Variants in THRB observed in about 807,000 individuals in gnomAD.
THRB encodes nuclear receptor subfamily 1 group A member 2.
Under a neutral mutation model 47.8 loss-of-function variants are expected in THRB, and 12 were observed. The observed-to-expected ratio is 0.25, with a 90% confidence interval of 0.16 to 0.41. THRB has a LOEUF of 0.41. Ranked by LOEUF, THRB falls within the 10% of genes least tolerant of loss-of-function variation. The pLI is 1.00. For synonymous variants in THRB, 218 were observed against 212.2 expected (o/e 1.03, Z -0.24); for missense variants, 348 against 589.2 (o/e 0.59, Z 4.24).
At chr3:24,334,386 TA>T (rs954112981) in intron 2 of THRB, among the ~76,000 whole-genome samples, 23 of 152,190 alleles carry the variant, frequency 1.5e-4, no homozygotes, top group East Asian at 1.3e-3. Flanking sequence ...AGCAAAGGAT[TA>T]AAAAAAATTA....
At position 24,171,252 on chromosome 3, in the gene THRB, C is replaced by G. The variant is rs2040395188; in HGVS notation, c.284-18762G>C. On this transcript the variant is annotated intron_variant, in intron 5 of 10. Transcript: ENST00000646209. ...AAGAGGTGCACAAAAACTTTTTGAC[C>G]ATGCTTTCTTGGATTGTTGAGGTCT... Among the ~76,000 whole-genome samples the G allele has an allele frequency of 2.0e-5, 3 of 152,180 alleles. No individual in the cohort carries two copies. In the South Asian group the frequency reaches 6.2e-4, roughly 31 times the overall value.
At chr3:24,475,047 A>G (rs1421976111) in intron 1 of THRB, among the ~76,000 whole-genome samples, 1 of 152,224 alleles carries the variant, frequency 6.6e-6, no homozygotes, top group Non-Finnish European at 1.5e-5. Flanking sequence ...TTCTAAAAAC[A>G]AAATGTTCTA....
chr3:24,284,760 A>AAGTGGGCAGAGGACATGAAC (rs1229087458), intron 3 of THRB, among the ~76,000 whole-genome samples: 1 of 149,972 alleles, frequency 6.7e-6, no homozygotes. Context: ...CCCCATCAAA[A>AAGTGGGCAGAGGACATGAAC]AGTGGGCAGA....
At chr3:24,238,294 G>A (rs1396010227) in intron 3 of THRB, among the ~76,000 whole-genome samples, 2 of 43,156 alleles carry the variant, frequency 4.6e-5, no homozygotes, top group African/African-American at 1.7e-4. Context: ...GGGGGGGGGT[G>A]TGTGGGGTGT....
chr3:24,160,019 G>A (rs993751582), intron 5 of THRB, among the ~76,000 whole-genome samples: 1 of 152,206 alleles, frequency 6.6e-6, no homozygotes, highest in East Asian at 1.9e-4. Context: ...GGGAGCGGGG[G>A]TGATGAGAGA....
intron 1 of THRB, among the ~76,000 whole-genome samples, chr3:24,396,931 AC>A (rs1392940497): frequency 6.6e-6 from 1 of 152,090 alleles, no homozygotes; most frequent in Non-Finnish European, 1.5e-5. Flanking sequence ...TGAATGACCA[AC>A]TGCATTCTTT....
chr3:24,333,270 T>G (rs1235547992), intron 2 of THRB, among the ~76,000 whole-genome samples: 1 of 152,140 alleles, frequency 6.6e-6, no homozygotes, highest in African/African-American at 2.4e-5. Context: ...CCCATTCTCA[T>G]GAATAACTGG....
chr3:24,249,141 A>G (rs1273635851), intron 3 of THRB, among the ~76,000 whole-genome samples: 1 of 152,218 alleles, frequency 6.6e-6, no homozygotes, highest in Non-Finnish European at 1.5e-5. Context: ...AAGAGCCAGC[A>G]TGTGTGAGAA....
chr3:24,280,647 G>C (rs1005289800), intron 3 of THRB, among the ~76,000 whole-genome samples: 11 of 152,096 alleles, frequency 7.2e-5, no homozygotes, highest in Non-Finnish European at 1.6e-4. Flanking sequence ...CCAAGCTATG[G>C]GAGGACATTC....
chr3:24,266,714 C>G lies in THRB; in HGVS notation c.-43+30512G>C, dbSNP rs1285837886. Among the ~76,000 whole-genome samples, 5 of 151,998 alleles carry G rather than the reference C, an allele frequency of 3.3e-5. No homozygotes were observed. In the South Asian group the frequency reaches 8.3e-4, roughly 25 times the overall value. On this transcript the variant is annotated intron_variant, in intron 3 of 10. Coordinates refer to ENST00000646209, the MANE Select transcript of THRB (RefSeq NM_001354712.2). The stretch of plus-strand genomic sequence containing the variant: ...ATGTTGGAAGCTAATACCCAGTCCA[C>G]AAAATGTACTCAGTGAGGAAGATGA...
chr3:24,384,334 A>G (rs1186800784), intron 1 of THRB, among the ~76,000 whole-genome samples: 1 of 152,172 alleles, frequency 6.6e-6, no homozygotes, highest in East Asian at 1.9e-4. Flanking sequence ...TTATCTAACC[A>G]TTTATCAAAT....
At chr3:24,432,147 C>A (rs1242826386) in intron 1 of THRB, among the ~76,000 whole-genome samples, 4 of 152,036 alleles carry the variant, frequency 2.6e-5, no homozygotes, top group African/African-American at 9.7e-5. Flanking sequence ...TACCAAGCTT[C>A]ATAGCCTACA....
intron 1 of THRB, among the ~76,000 whole-genome samples, chr3:24,398,023 T>C (rs2067105748): frequency 6.6e-6 from 1 of 152,136 alleles, no homozygotes; most frequent in East Asian, 1.9e-4. Context: ...AAAACAATAA[T>C]TCAAAGCCAA....
intron 2 of THRB, among the ~76,000 whole-genome samples, chr3:24,323,668 G>A (rs2058633942): frequency 6.6e-6 from 1 of 152,126 alleles, no homozygotes; most frequent in Non-Finnish European, 1.5e-5. Context: ...AACACCAATA[G>A]TTGGCATAAG....
intron 4 of THRB, among the ~76,000 whole-genome samples, chr3:24,226,998 C>G (rs1218938946): frequency 6.6e-6 from 1 of 152,192 alleles, no homozygotes. Context: ...TGAATGGTCA[C>G]TCTCCCTAGA....
At chr3:24,128,658 T>C (rs553064319) in intron 9 of THRB, among the ~76,000 whole-genome samples, 3 of 152,066 alleles carry the variant, frequency 2.0e-5, no homozygotes, top group African/African-American at 7.2e-5. Context: ...CAGATTTCCA[T>C]GCATCACCTC....
chr3:24,284,976 T>C (rs924850903), intron 3 of THRB, among the ~76,000 whole-genome samples: 6 of 152,132 alleles, frequency 3.9e-5, no homozygotes, highest in Non-Finnish European at 7.3e-5. Context: ...ACTTTTACAC[T>C]GTTAGTGGGA....
chr3:24,439,240 C>T (rs984989939), intron 1 of THRB, among the ~76,000 whole-genome samples: 2 of 152,060 alleles, frequency 1.3e-5, no homozygotes, highest in African/African-American at 2.4e-5. Flanking sequence ...GAGGGTGGTG[C>T]AGATAAGAGG....
intron 3 of THRB, among the ~76,000 whole-genome samples, chr3:24,281,209 G>C (rs1482513486): frequency 6.6e-6 from 1 of 152,152 alleles, no homozygotes; most frequent in African/African-American, 2.4e-5. Flanking sequence ...TACCCTCAAA[G>C]GGAAGCCCAT....
Sources: allele counts gnomAD v4.1 joint callset (sites outside exome capture counted in the v4.1 genomes callset), GRCh38; gene constraint gnomAD v4.1.1; transcripts MANE v1.5; gene names NCBI Gene and HGNC (gene_info 2026-07-23, HGNC 2026-07-21).